The following VN1R1 variants were observed in gnomAD, a reference collection of about 807,000 sequenced individuals.
VN1R1 encodes vomeronasal type-1 receptor 1.
For missense variants in VN1R1, 391 were observed against 410.3 expected, an observed-to-expected ratio of 0.95 and a Z score of 0.41; for synonymous variants, 168 against 149.8, an observed-to-expected ratio of 1.12 and a Z score of -0.89.
the VN1R1 span, chr19:57,456,146 TATTTC>T: frequency 6.2e-7 from 1 of 1,614,170 alleles, no homozygotes; most frequent in African/African-American, 1.3e-5. Flanking sequence ...ATTCAGCAAA[TATTTC>T]AATCCAAAAG....
In VN1R1 at chr19:57,456,320, G is replaced by A. The variant is rs779031970; in HGVS notation, c.167C>T (p.Thr56Ile). The change falls in exon 1 of 1, where the codon ACT (threonine) becomes ATT (isoleucine). Residue 56 changes from threonine to isoleucine, a missense_variant. Coordinates refer to ENST00000321039, the MANE Select transcript of VN1R1 (RefSeq NM_020633.4). ...GGAATTTCCCAGGATCCCAACTCCA[G>A]TCTGAATGAGGAAGCTAATCCCTGA... ...VKSGISFLIQ[T>I]GVGILGNSFL... 11 of 1,613,812 alleles carry A rather than the reference G, an allele frequency of 6.8e-6. No homozygotes were observed. The highest frequency in any genetic ancestry group is 9.3e-6 in the Non-Finnish European group (11 of 1,179,732).
rs766452637 is a variant in VN1R1, at chr19:57,456,079, G to A, written c.408C>T (p.Leu136=). 1 of 1,614,208 alleles carries A rather than the reference G, an allele frequency of 6.2e-7. No homozygotes were observed. Among genetic ancestry groups the A allele is most frequent in the South Asian group, 1.1e-5 (1 of 91,084 alleles). Residue 136 remains leucine (L), a synonymous_variant, in exon 1 of 1, where the codon CTC becomes CTT. Transcript: ENST00000321039. ...ATCCATTGAGAAGGCAGATGGTGCT[G>A]AGGGAAACTCTTGTGCCCACCCTGT... ...YYHRVGTRVS[L]STICLLNGFQ... is the part of the protein sequence containing the mutation.
rs2089133515 is a variant in VN1R1 at position 57,456,545 on chromosome 19, G to A, written c.-59C>T. ...CCTGTTCGTGCAAAGGCAATTGCTT[G>A]TGTGTCCAACTGCAGAGAAGCAGGT... On this transcript the variant is annotated 5_prime_UTR_variant, in exon 1 of 1. Coordinates refer to ENST00000321039, the MANE Select transcript of VN1R1 (RefSeq NM_020633.4). 4 of 1,406,040 alleles carry A rather than the reference G, an allele frequency of 2.8e-6. No individual in the cohort carries two copies. Among genetic ancestry groups the A allele is most frequent in the African/African-American group, 1.4e-5 (1 of 69,580 alleles). The allele number at this position is 1,406,040 out of a possible 1,614,324, so 87.1% of individuals were successfully genotyped here.
Position 57,456,070 on chromosome 19 carries a change from G to C in VN1R1, c.417C>G (p.Ile139Met), listed in dbSNP as rs768749503. Reference sequence around the variant, plus strand: ...TGGCTTGGAATCCATTGAGAAGGCAGATGGTGCTGAGGGAAACTCTTGTGC... The same window carrying C: ...TGGCTTGGAATCCATTGAGAAGGCACATGGTGCTGAGGGAAACTCTTGTGC... ...RVGTRVSLST[I>M]CLLNGFQAIK... is the part of the protein sequence containing the mutation. The change falls in exon 1 of 1, where the codon ATC becomes ATG. Residue 139 changes from isoleucine to methionine, a missense_variant. Transcript: ENST00000321039. 1 of 1,614,212 alleles carries C rather than the reference G, an allele frequency of 6.2e-7. No homozygotes were observed. The highest frequency in any genetic ancestry group is 2.2e-5 in the East Asian group (1 of 44,882).
At position 57,456,805 on chromosome 19, in the gene VN1R1, G is replaced by GACCAC; in HGVS notation, c.-320_-319insGTGGT. The stretch of plus-strand genomic sequence containing the variant: ...TCTGTATTATTTCTTATGACTGCTT[G>GACCAC]TGAGTCTACACTTATTTCAATAAAA... On this transcript the variant is annotated 5_prime_UTR_variant, in exon 1 of 1. It introduces an in-frame stop codon into an upstream open reading frame of the 5' UTR. Transcript: ENST00000321039. 1 of 227,222 alleles carries GACCAC rather than the reference G, an allele frequency of 4.4e-6. No homozygotes were observed. Among genetic ancestry groups the GACCAC allele is most frequent in the South Asian group, 1.7e-4 (1 of 5,886 alleles). 14.1% of individuals were successfully genotyped at this position (227,222 alleles called of 1,614,324 possible). A position where few individuals can be genotyped will look rare whatever the true frequency, so the allele number is the denominator to read the frequency against.
rs186093977 is a variant in VN1R1, at chr19:57,455,218, T to C, written c.*207A>G. 6.2e-6 allele frequency: 3 copies of C among 483,304 alleles called. No homozygotes were observed. Among genetic ancestry groups the C allele is most frequent in the African/African-American group, 3.9e-5 (2 of 50,796 alleles). The allele number at this position is 483,304 out of a possible 1,614,324, so 29.9% of individuals were successfully genotyped here. A position where few individuals can be genotyped will look rare whatever the true frequency, so the allele number is the denominator to read the frequency against. Reference sequence around the variant, plus strand: ...TTTTAAACTTTTTGATTTCCTGAACTTGTCTGAAGGACTTAACACAGTTAT... The same window carrying C: ...TTTTAAACTTTTTGATTTCCTGAACCTGTCTGAAGGACTTAACACAGTTAT... On this transcript the variant is annotated 3_prime_UTR_variant, in exon 1 of 1. Coordinates refer to ENST00000321039, the MANE Select transcript of VN1R1 (RefSeq NM_020633.4).
At position 57,455,491 on chromosome 19, in the gene VN1R1, G is replaced by C. The variant is rs1568551833; in HGVS notation, c.996C>G (p.Ile332Met). The change falls in exon 1 of 1, where the codon ATC (isoleucine) becomes ATG (methionine). Residue 332 changes from isoleucine to methionine, a missense_variant. Physicochemically the swap from Ile to Met is conservative, Grantham distance 10 (BLOSUM62 1). Coordinates refer to ENST00000321039, the MANE Select transcript of VN1R1 (RefSeq NM_020633.4). ...TCCTGCAGGCAAAACAGAACTGAGA[G>C]ATATGAGTATCACTCATGATGAGGA... ...PFVLIMSDTH[I>M]SQFCFACRTR... The C allele has an allele frequency of 1.9e-6, 3 of 1,614,040 alleles. No homozygotes were observed. The highest frequency in any genetic ancestry group is 1.7e-5 in the Admixed American group (1 of 59,996).
rs761629138 is a variant in VN1R1 at position 57,455,909 on chromosome 19, G to A, written c.578C>T (p.Pro193Leu). The A allele has an allele frequency of 1.3e-5, 21 of 1,614,178 alleles. No individual in the cohort carries two copies. Among genetic ancestry groups the A allele is most frequent in the Non-Finnish European group, 1.8e-5 (21 of 1,180,024 alleles). Residue 193 changes from proline to leucine, a missense_variant, in exon 1 of 1, where the codon CCA becomes CTA. By Grantham distance (98) the Pro-to-Leu change is moderately conservative. Coordinates refer to ENST00000321039, the MANE Select transcript of VN1R1 (RefSeq NM_020633.4). Reference protein sequence around the residue: ...NASVLLLVNGPLNSKNSSAKN... With the variant: ...NASVLLLVNGLLNSKNSSAKN... ...TGCACTACTGTTTTTGCTATTCAGT[G>A]GGCCATTCACTAATAGAAGAACAGA...
chr19:57,455,888 C>T lies in VN1R1; in HGVS notation c.599G>A (p.Ser200Asn). 5 of 1,614,168 alleles carry T rather than the reference C, an allele frequency of 3.1e-6. No homozygotes were observed. Among genetic ancestry groups the T allele is most frequent in the Non-Finnish European group, 4.2e-6 (5 of 1,180,016 alleles). ...VNGPLNSKNS[S>N]AKNNYGYCSY... ...ACAGTATCCATAATTGTTTTTTGCACTACTGTTTTTGCTATTCAGTGGGCC... is the reference window on the plus strand; with the variant it reads ...ACAGTATCCATAATTGTTTTTTGCATTACTGTTTTTGCTATTCAGTGGGCC... Residue 200 changes from serine (S) to asparagine (N), a missense_variant, in exon 1 of 1, where the codon AGT becomes AAT. By Grantham distance (46) the Ser-to-Asn change is conservative. Transcript: ENST00000321039.
Sources: allele counts gnomAD v4.1 joint callset, GRCh38; gene constraint gnomAD v4.1.1; transcripts MANE v1.5; gene names NCBI Gene and HGNC (gene_info 2026-07-23, HGNC 2026-07-21).